The following SRGAP1 variants were observed in gnomAD, a reference collection of about 807,000 sequenced individuals.
SRGAP1 encodes SLIT-ROBO Rho GTPase-activating protein 1.
Under a neutral mutation model 121.9 loss-of-function variants are expected in SRGAP1, and 43 were observed. The ratio of observed to expected loss-of-function variants is 0.35; its 90% CI spans 0.28 to 0.46. SRGAP1 has a LOEUF of 0.46. SRGAP1 is among the 20% of genes least tolerant of loss of function. The probability of loss-of-function intolerance (pLI) is 1.00; values close to 1 mark genes in which losing one functional copy is unlikely to be tolerated. For missense variants in SRGAP1, 1,102 were observed against 1,350.9 expected (o/e 0.82, Z 2.89); for synonymous variants, 447 against 485.4 (o/e 0.92, Z 1.04).
At chr12:64,096,186 T>C (rs926671661) in intron 14 of SRGAP1, among the ~76,000 whole-genome samples, 2 of 152,206 alleles carry the variant, frequency 1.3e-5, no homozygotes, top group African/African-American at 4.8e-5. Context: ...TTGGAAATTT[T>C]CCCAGTATTT....
At chr12:64,123,943 C>G (rs891187981) in intron 18 of SRGAP1, among the ~76,000 whole-genome samples, 7 of 152,048 alleles carry the variant, frequency 4.6e-5, no homozygotes, top group African/African-American at 1.4e-4. Flanking sequence ...CCACTAGAGA[C>G]CAGGCACCTA....
chr12:63,905,175 A>C (rs575723281), intron 1 of SRGAP1, among the ~76,000 whole-genome samples: 147 of 152,298 alleles, frequency 9.7e-4, no homozygotes, highest in African/African-American at 3.4e-3. Context: ...GTTTTATCTT[A>C]AGTGGCAATT....
At chr12:63,991,167 C>G (rs191312653) in intron 3 of SRGAP1, among the ~76,000 whole-genome samples, 4 of 152,200 alleles carry the variant, frequency 2.6e-5, no homozygotes, top group East Asian at 1.9e-4. Flanking sequence ...AGTTTTCCCC[C>G]ACTCTCTCAG....
chr12:64,155,573 A>C lies in SRGAP1; in HGVS notation c.*12901A>C, dbSNP rs550398429. The C allele has an allele frequency of 1.3e-5, 2 of 151,994 alleles. No homozygotes were observed. The highest frequency in any genetic ancestry group is 4.2e-4 in the South Asian group (2 of 4,806). The allele number at this position is 151,994 out of a possible 1,614,324, so 9.4% of individuals were successfully genotyped here. On this transcript the variant is annotated 3_prime_UTR_variant, in exon 22 of 22. Transcript: ENST00000355086. ...TAAATAAATAAATAAATATATTAAAAAATAAACAAGTTCAGGCTTGTTAAA... is the reference window on the plus strand; with the variant it reads ...TAAATAAATAAATAAATATATTAAACAATAAACAAGTTCAGGCTTGTTAAA...
Position 64,097,222 on chromosome 12 carries a change from G to GT in SRGAP1, c.1679-3dup, listed in dbSNP as rs750731050. ...AAAAGAAGCACTGTTAATGTAATGA[G>GT]TTTTTTTTTTTTTTTTAGGTGAAAA... On this transcript the variant is annotated intron_variant, in intron 14 of 21. Coordinates refer to ENST00000355086, the MANE Select transcript of SRGAP1 (RefSeq NM_020762.4). 253,161 of 1,313,792 alleles carry GT rather than the reference G, an allele frequency of 0.19. 390 individuals are homozygous for GT. Among genetic ancestry groups the GT allele is most frequent in the African/African-American group, 0.2 (13,200 of 64,688 alleles). 81.4% of individuals were successfully genotyped at this position (1,313,792 alleles called of 1,614,324 possible).
rs534040468 is a variant in SRGAP1, at chr12:64,000,349, C to T, written c.426+10277C>T. Among the ~76,000 whole-genome samples, 42 of 151,346 alleles carry T rather than the reference C, an allele frequency of 2.8e-4. 1 individual carries two copies. In the South Asian group the frequency reaches 8.2e-3, roughly 29 times the overall value. On this transcript the variant is annotated intron_variant, in intron 3 of 21. Coordinates refer to ENST00000355086, the MANE Select transcript of SRGAP1 (RefSeq NM_020762.4). ...GAGGGCCAGGCCTGGTGGCTCATGC[C>T]TGTAATCCCAGTGCTTTGGGAGGCT...
chr12:63,870,521 C>T (rs1423993590), intron 1 of SRGAP1, among the ~76,000 whole-genome samples: 6 of 150,402 alleles, frequency 4.0e-5, no homozygotes, highest in East Asian at 2.0e-4. Context: ...GAAGAGGTTC[C>T]TCCCTATCTT....
At position 64,088,951 on chromosome 12, in the gene SRGAP1, T is replaced by G. The variant is rs191815761; in HGVS notation, c.1436+1925T>G. Reference sequence around the variant, plus strand: ...TTAGCTTTGTCAGCTTCTCCAGATATCACCAGATGTGAAGCTCTCTTGGAC... The same window carrying G: ...TTAGCTTTGTCAGCTTCTCCAGATAGCACCAGATGTGAAGCTCTCTTGGAC... On this transcript the variant is annotated intron_variant, in intron 11 of 21. Transcript: ENST00000355086. 2.6e-5 allele frequency among the ~76,000 whole-genome samples: 4 copies of G among 152,346 alleles called. 1 individual carries two copies. Among genetic ancestry groups the G allele is most frequent in the Admixed American group, 2.6e-4 (4 of 15,308 alleles).
intron 4 of SRGAP1, chr12:64,032,735 T>G: frequency 3.9e-6 from 1 of 253,520 alleles, no homozygotes; most frequent in East Asian, 6.7e-5. Context: ...TTATTGATCT[T>G]GAGCACATTT....
chr12:63,973,181 C>T (rs2033005527), intron 1 of SRGAP1, among the ~76,000 whole-genome samples: 1 of 152,210 alleles, frequency 6.6e-6, no homozygotes. Context: ...AGAAATGACA[C>T]TAGACCCTTG....
rs2037065422 is a variant in SRGAP1, at chr12:64,147,151, C to T, written c.*4479C>T. The stretch of plus-strand genomic sequence containing the variant: ...AACAGGAGAGACTGCTGTTTACCTA[C>T]GTACTGAAGGGTAACTGCTGCCCGC... On this transcript the variant is annotated 3_prime_UTR_variant, in exon 22 of 22. Coordinates refer to ENST00000355086, the MANE Select transcript of SRGAP1 (RefSeq NM_020762.4). 1 of 215,500 alleles carries T rather than the reference C, an allele frequency of 4.6e-6. No homozygotes were observed. The highest frequency in any genetic ancestry group is 9.8e-5 in the East Asian group (1 of 10,186). The allele number at this position is 215,500 out of a possible 1,614,324, so 13.3% of individuals were successfully genotyped here.
chr12:64,127,545 T>G (rs1565692668), intron 19 of SRGAP1, 45 bp from the exon 20 acceptor site: 13 of 1,553,834 alleles, frequency 8.4e-6, no homozygotes, highest in Non-Finnish European at 9.6e-6. Flanking sequence ...TTTGTAAAAT[T>G]TGTAAATCTA....
rs573221661 is a variant in SRGAP1, at chr12:63,929,230, C to G, written c.68-54717C>G. ...TGGAATTTGGAGCCAAATGCAAATC[C>G]TGGTTCTACCATTCATTGTCACCAG... On this transcript the variant is annotated intron_variant, in intron 1 of 21. Transcript: ENST00000355086. 2.0e-5 allele frequency among the ~76,000 whole-genome samples: 3 copies of G among 152,188 alleles called. No individual in the cohort carries two copies. The South Asian group carries it at 6.2e-4, about 31-fold the overall frequency.
At chr12:64,025,757 A>G (rs1376394044) in intron 4 of SRGAP1, among the ~76,000 whole-genome samples, 5 of 152,212 alleles carry the variant, frequency 3.3e-5, no homozygotes, top group African/African-American at 1.2e-4. Flanking sequence ...GTGGAAAGAA[A>G]GAGGGACTGG....
chr12:63,847,403 TA>T (rs941769839), intron 1 of SRGAP1, among the ~76,000 whole-genome samples: 4 of 151,716 alleles, frequency 2.6e-5, no homozygotes, highest in African/African-American at 7.2e-5. Flanking sequence ...TATCTGATGA[TA>T]AAAAAAAATT....
In SRGAP1 at chr12:64,142,389, C is replaced by T; in HGVS notation, c.2975C>T (p.Thr992Ile). 3.1e-6 allele frequency: 5 copies of T among 1,614,052 alleles called. No homozygotes were observed. The highest frequency in any genetic ancestry group is 4.2e-6 in the Non-Finnish European group (5 of 1,180,018). ...AKHAPDVVLDTLEQVKNSPTP... is the reference protein window; with the variant it reads ...AKHAPDVVLDILEQVKNSPTP... The stretch of plus-strand genomic sequence containing the variant: ...CATGCCCCTGATGTGGTGCTGGATA[C>T]CCTGGAGCAAGTGAAAAACTCTCCC... Residue 992 changes from threonine to isoleucine, a missense_variant, in exon 22 of 22, where the codon ACC becomes ATC. This residue lies in a region of SRGAP1 where 315 missense variants were observed against 343.1 expected (regional missense o/e 0.92). Transcript: ENST00000355086.
At chr12:63,925,068 G>A (rs1252357732) in intron 1 of SRGAP1, among the ~76,000 whole-genome samples, 2 of 152,118 alleles carry the variant, frequency 1.3e-5, no homozygotes, top group African/African-American at 4.8e-5. Flanking sequence ...TATCCAATGT[G>A]TCCATAATGC....
intron 1 of SRGAP1, among the ~76,000 whole-genome samples, chr12:63,859,723 A>G (rs1899382723): frequency 6.6e-6 from 1 of 152,208 alleles, no homozygotes; most frequent in Non-Finnish European, 1.5e-5. Context: ...CACTTCTAAC[A>G]TAAACACCTT....
At chr12:63,848,664 C>T (rs968941907) in intron 1 of SRGAP1, among the ~76,000 whole-genome samples, 1 of 152,018 alleles carries the variant, frequency 6.6e-6, no homozygotes, top group Non-Finnish European at 1.5e-5. Flanking sequence ...CATGCCTCAG[C>T]CTCCTGAGTA....
Sources: gnomAD v4.1 joint callset for allele counts (sites outside exome capture counted in the v4.1 genomes callset) on GRCh38, gnomAD v4.1.1 for gene constraint, gnomAD v4.1.1 regional missense constraint, MANE v1.5 for transcripts, NCBI Gene and HGNC (gene_info 2026-07-23, HGNC 2026-07-21) for gene names.